Variants in CFTR observed in about 807,000 individuals in gnomAD.
The protein encoded by CFTR is CF transmembrane conductance regulator, also known as cystic fibrosis transmembrane conductance regulator.
A neutral mutation model predicts 171.6 loss-of-function variants in CFTR; 181 were observed. That is an observed-to-expected ratio of 1.05 (90% CI 0.93 to 1.19). CFTR has a LOEUF of 1.19. Among genes scored for constraint, CFTR ranks in the 50% most tolerant of loss-of-function variants. The pLI, the probability that CFTR is intolerant of heterozygous loss-of-function variation, is 0.00. For missense variants in CFTR, 1,968 were observed against 1,734.7 expected (o/e 1.13, Z -2.39); for synonymous variants, 583 against 608.0 (o/e 0.96, Z 0.60).
intron 11 of CFTR, among the ~76,000 whole-genome samples, chr7:117,577,621 T>C (rs1791791293): frequency 6.6e-6 from 1 of 152,160 alleles, no homozygotes; most frequent in South Asian, 2.1e-4. Flanking sequence ...TCTAATGGCC[T>C]ATAAAATGTG....
chr7:117,508,204 T>G (rs1197158112), intron 2 of CFTR, among the ~76,000 whole-genome samples: 1 of 152,258 alleles, frequency 6.6e-6, no homozygotes, highest in African/African-American at 2.4e-5. Flanking sequence ...GTTCATGAAA[T>G]TTTTCATCTC....
Position 117,542,062 on chromosome 7 carries a change from C to T in CFTR, c.1163C>T (p.Thr388Met), listed in dbSNP as rs143860237. 185 of 1,602,538 alleles carry T rather than the reference C, an allele frequency of 1.2e-4. No homozygotes were observed. The Middle Eastern group carries it at 2.1e-3, about 19-fold the overall frequency. ...TATAAGACATTGGAATATAACTTAACGACTACAGAAGTAGTGATGGAGAAT... is the reference window on the plus strand; with the variant it reads ...TATAAGACATTGGAATATAACTTAATGACTACAGAAGTAGTGATGGAGAAT... ...QEYKTLEYNL[T>M]TTEVVMENVT... Residue 388 changes from threonine (T) to methionine (M), a missense_variant, in exon 9 of 27, where the codon ACG becomes ATG. By Grantham distance (81) the Thr-to-Met change is moderately conservative. Transcript: ENST00000003084.
chr7:117,643,948 C>T (rs948883919), intron 23 of CFTR, among the ~76,000 whole-genome samples: 2 of 152,058 alleles, frequency 1.3e-5, no homozygotes, highest in Non-Finnish European at 2.9e-5. Flanking sequence ...TGTTTTATTG[C>T]ATGTTTGACG....
intron 4 of CFTR, among the ~76,000 whole-genome samples, chr7:117,533,945 G>A (rs1798904130): frequency 6.6e-6 from 1 of 152,022 alleles, no homozygotes; most frequent in Admixed American, 6.6e-5. Flanking sequence ...ACTGCCTTTG[G>A]CTCTATCTTT....
At chr7:117,535,480 C>T in intron 6 of CFTR, 69 bp downstream of exon 6, 1 of 1,360,130 alleles carries the variant, frequency 7.4e-7, no homozygotes, top group Non-Finnish European at 1.0e-6. Context: ...TTTAGTAAAA[C>T]CAGGACTGCT....
intron 21 of CFTR, among the ~76,000 whole-genome samples, chr7:117,615,058 T>G (rs1209597715): frequency 6.6e-6 from 1 of 152,128 alleles, no homozygotes; most frequent in African/African-American, 2.4e-5. Flanking sequence ...TGTACTGATA[T>G]ATATCCCCAT....
At chr7:117,634,329 C>G (rs1448022301) in intron 22 of CFTR, among the ~76,000 whole-genome samples, 1 of 151,584 alleles carries the variant, frequency 6.6e-6, no homozygotes, top group African/African-American at 2.4e-5. Context: ...TAGTGATGTC[C>G]CCTTTTTTGT....
Position 117,627,642 on chromosome 7 carries a change from CA to C in CFTR, c.3590del (p.His1197ProfsTer2). On this transcript the variant is annotated frameshift_variant, in exon 22 of 27. Transcript: ENST00000003084. LOFTEE classifies it high-confidence loss of function. ...LSKVMIIENS[H>X]VKKDDIWPSG... ...GAAAGTTATGATTATTGAGAATTCACACGTGAAGAAAGATGACATCTGGCCC... is the reference window on the plus strand; with the variant it reads ...GAAAGTTATGATTATTGAGAATTCACCGTGAAGAAAGATGACATCTGGCCC... 1 of 1,613,490 alleles carries C rather than the reference CA, an allele frequency of 6.2e-7. No individual in the cohort carries two copies.
intron 3 of CFTR, among the ~76,000 whole-genome samples, chr7:117,513,931 T>C: frequency 6.6e-6 from 1 of 152,184 alleles, no homozygotes; most frequent in South Asian, 2.1e-4. Context: ...TTGTACATCT[T>C]CCCCTTAGTT....
chr7:117,532,186 C>T (rs1798876336), intron 4 of CFTR, among the ~76,000 whole-genome samples: 1 of 151,968 alleles, frequency 6.6e-6, no homozygotes, highest in South Asian at 2.1e-4. Flanking sequence ...TGTTTTATTT[C>T]AATCTGAACA....
Position 117,531,078 on chromosome 7 carries a change from G to A in CFTR, c.453G>A (p.Gln151=). Reference sequence around the variant, plus strand: ...TTGGCCTTCATCACATTGGAATGCAGATGAGAATAGCTATGTTTAGTTTGA... The same window carrying A: ...TTGGCCTTCATCACATTGGAATGCAAATGAGAATAGCTATGTTTAGTTTGA... ...AIFGLHHIGM[Q]MRIAMFSLIY... Residue 151 remains glutamine, a synonymous_variant, in exon 4 of 27, where the codon CAG becomes CAA. Transcript: ENST00000003084. The A allele has an allele frequency of 3.7e-6, 6 of 1,613,634 alleles. No homozygotes were observed. The highest frequency in any genetic ancestry group is 5.1e-6 in the Non-Finnish European group (6 of 1,179,788).
At position 117,557,422 on chromosome 7, in the gene CFTR, A is replaced by G. The variant is rs934660027; in HGVS notation, c.1393-2042A>G. Reference sequence around the variant, plus strand: ...TTAAATGTACATCATTATTCATGATATTTAGGTCTTCTACATCTTCACTTA... The same window carrying G: ...TTAAATGTACATCATTATTCATGATGTTTAGGTCTTCTACATCTTCACTTA... On this transcript the variant is annotated intron_variant, in intron 10 of 26. Transcript: ENST00000003084. Among the ~76,000 whole-genome samples, 1 of 152,116 alleles carries G rather than the reference A, an allele frequency of 6.6e-6. No homozygotes were observed. The highest frequency in any genetic ancestry group is 6.5e-5 in the Admixed American group (1 of 15,274).
At chr7:117,636,024 C>A (rs1237790319) in intron 22 of CFTR, among the ~76,000 whole-genome samples, 1 of 152,068 alleles carries the variant, frequency 6.6e-6, no homozygotes, top group African/African-American at 2.4e-5. Flanking sequence ...TCTTCAGCTT[C>A]TTTGAACATT....
chr7:117,486,534 TA>T (rs1231318795), intron 1 of CFTR, among the ~76,000 whole-genome samples: 12 of 152,080 alleles, frequency 7.9e-5, no homozygotes, highest in Non-Finnish European at 5.9e-5. Context: ...CAATTAGAAT[TA>T]TCCAAAGAGG....
intron 13 of CFTR, 27 bp from the exon 14 acceptor site, chr7:117,591,907 A>G: frequency 1.4e-6 from 2 of 1,412,398 alleles, no homozygotes; most frequent in Non-Finnish European, 1.9e-6. Context: ...TATAAAATTG[A>G]TATTTATATG....
chr7:117,511,101 T>C (rs1264653887), intron 3 of CFTR, among the ~76,000 whole-genome samples: 3 of 152,170 alleles, frequency 2.0e-5, no homozygotes, highest in Non-Finnish European at 2.9e-5. Flanking sequence ...ATGGTGACTC[T>C]AGTAACCAGC....
At chr7:117,635,750 T>A (rs2116149037) in intron 22 of CFTR, among the ~76,000 whole-genome samples, 1 of 152,082 alleles carries the variant, frequency 6.6e-6, no homozygotes, top group East Asian at 1.9e-4. Context: ...CACTCCCAGT[T>A]CCACCTTCCA....
intron 6 of CFTR, among the ~76,000 whole-genome samples, chr7:117,535,939 A>C (rs2116677652): frequency 6.6e-6 from 1 of 152,248 alleles, no homozygotes; most frequent in East Asian, 1.9e-4. Context: ...GATTCAGTTC[A>C]TTTTTGTAGA....
intron 3 of CFTR, among the ~76,000 whole-genome samples, chr7:117,520,566 G>A (rs137964931): frequency 1.5e-4 from 23 of 151,790 alleles, no homozygotes; most frequent in Non-Finnish European, 2.5e-4. Context: ...TTAAAATGCC[G>A]TATTTTATAA....
Sources: gnomAD v4.1 joint callset for allele counts (sites outside exome capture counted in the v4.1 genomes callset) on GRCh38, gnomAD v4.1.1 for gene constraint, MANE v1.5 for transcripts, NCBI Gene and HGNC (gene_info 2026-07-23, HGNC 2026-07-21) for gene names.